NAPEPLD: variants seen among roughly 807,000 people sequenced by gnomAD.
NAPEPLD encodes N-acyl-phosphatidylethanolamine-hydrolyzing phospholipase D.
NAPEPLD carries 23 observed loss-of-function variants against 38.1 expected under a neutral mutation model. That is an observed-to-expected ratio of 0.60 (90% confidence interval 0.43 to 0.86). The LOEUF (loss-of-function observed/expected upper bound fraction) is 0.86. Ranked by LOEUF, NAPEPLD falls within the 40% of genes least tolerant of loss-of-function variation. The probability of loss-of-function intolerance (pLI) is 0.00; values close to 1 mark genes in which losing one functional copy is unlikely to be tolerated. For missense variants in NAPEPLD, 411 were observed against 476.8 expected, an observed-to-expected ratio of 0.86 and a Z score of 1.28; for synonymous variants, 147 against 162.0, an observed-to-expected ratio of 0.91 and a Z score of 0.71.
chr7:103,134,586 G>A (rs569721459), intron 1 of NAPEPLD, among the ~76,000 whole-genome samples: 2 of 152,222 alleles, frequency 1.3e-5, no homozygotes, highest in South Asian at 2.1e-4. Flanking sequence ...GGAGGCAGAG[G>A]TTGCAGTGAG....
chr7:103,149,588 T>A, upstream of NAPEPLD: 1 of 893,998 alleles, frequency 1.1e-6, no homozygotes. Flanking sequence ...CTTACCAAGA[T>A]GGCCGCCCCT....
chr7:103,148,675 AT>A (rs1813110719), intron 1 of NAPEPLD, 135 bp downstream of exon 1: 1 of 453,760 alleles, frequency 2.2e-6, no homozygotes, highest in Non-Finnish European at 2.9e-6. Context: ...AAGTACACTT[AT>A]TCCAAAATAA....
In NAPEPLD at chr7:103,149,090, TCAG is replaced by T; in HGVS notation, c.-299_-297del. The T allele has an allele frequency of 1.0e-6, 1 of 985,268 alleles. No individual in the cohort carries two copies. 61.0% of individuals were successfully genotyped at this position (985,268 alleles called of 1,614,324 possible). A position where few individuals can be genotyped will look rare whatever the true frequency, so the allele number is the denominator to read the frequency against. ...CGAAGAATTCCAAACCACCCCAGGCTCAGCAGTGTGGATTGCTCCGCCCAGAGA... is the reference window on the plus strand; with the variant it reads ...CGAAGAATTCCAAACCACCCCAGGCTCAGTGTGGATTGCTCCGCCCAGAGA... On this transcript the variant is annotated 5_prime_UTR_variant, in exon 1 of 5. Transcript: ENST00000465647.
upstream of NAPEPLD, chr7:103,149,541 G>T: frequency 8.2e-7 from 1 of 1,214,568 alleles, no homozygotes; most frequent in Middle Eastern, 2.4e-4. Flanking sequence ...CTGACAGCAG[G>T]GCCAGCGGTG....
chr7:103,110,899 A>G (rs1300078657), intron 4 of NAPEPLD, among the ~76,000 whole-genome samples: 1 of 22,694 alleles, frequency 4.4e-5, no homozygotes, highest in Non-Finnish European at 3.8e-3. Flanking sequence ...TACAAAAATC[A>G]ATGTATCACA....
chr7:103,127,381 TAA>T (rs1450124469), intron 2 of NAPEPLD: 1 of 152,182 alleles, frequency 6.6e-6, no homozygotes, highest in African/African-American at 2.4e-5. Context: ...TGAATGAGAA[TAA>T]AGACATTTCA....
In NAPEPLD at chr7:103,130,796, C is replaced by A. The variant is rs910535160; in HGVS notation, c.-16-2004G>T. 5.3e-5 allele frequency among the ~76,000 whole-genome samples: 8 copies of A among 152,070 alleles called. No homozygotes were observed. The East Asian group carries it at 1.5e-3, about 29-fold the overall frequency. On this transcript the variant is annotated intron_variant, in intron 1 of 4. Transcript: ENST00000465647. ...TTTTTTAGTAGAGATGGGGTTTCAC[C>A]GTGTTACCCAGGCTGACCTGGAACT...
At chr7:103,141,928 G>T in intron 1 of NAPEPLD, 1 of 976,698 alleles carries the variant, frequency 1.0e-6, no homozygotes, top group South Asian at 1.3e-5. Flanking sequence ...TCTGAAGCCT[G>T]AGCATACTCA....
intron 1 of NAPEPLD, among the ~76,000 whole-genome samples, chr7:103,146,344 C>CA (rs200723040): frequency 0.013 from 1,264 of 96,520 alleles, 18 homozygotes; most frequent in Admixed American, 0.033. Context: ...GACTCCGTCT[C>CA]AAAAAAAAAA....
chr7:103,142,174 A>T (rs748014666), intron 1 of NAPEPLD, among the ~76,000 whole-genome samples: 1 of 152,238 alleles, frequency 6.6e-6, no homozygotes, highest in Non-Finnish European at 1.5e-5. Flanking sequence ...CTGGTATGCC[A>T]GAATTTATGC....
Position 103,147,916 on chromosome 7 carries a change from C to T in NAPEPLD, c.-17+895G>A. On this transcript the variant is annotated intron_variant, in intron 1 of 4. Coordinates refer to ENST00000465647, the MANE Select transcript of NAPEPLD (RefSeq NM_001122838.3). ...TCAGTTGACTTGAAACAAATTTAAC[C>T]CCTCAATCTCTCCTTAAATTATTAT... 4 of 903,382 alleles carry T rather than the reference C, an allele frequency of 4.4e-6. No individual in the cohort carries two copies. The South Asian group carries it at 1.5e-4, about 34-fold the overall frequency. The allele number at this position is 903,382 out of a possible 1,614,324, so 56.0% of individuals were successfully genotyped here.
At chr7:103,142,400 G>GT in intron 1 of NAPEPLD, among the ~76,000 whole-genome samples, 1 of 152,162 alleles carries the variant, frequency 6.6e-6, no homozygotes, top group East Asian at 1.9e-4. Context: ...GAGGTCAGGA[G>GT]TTCGAGACCA....
intron 1 of NAPEPLD, 84 bp from the exon 2 acceptor site, chr7:103,128,876 A>T: frequency 1.5e-6 from 2 of 1,374,224 alleles, no homozygotes; most frequent in South Asian, 1.5e-5. Flanking sequence ...TAGCCAATAA[A>T]AATTTCTCTA....
intron 4 of NAPEPLD, among the ~76,000 whole-genome samples, chr7:103,110,434 G>A (rs771546611): frequency 6.6e-6 from 1 of 152,066 alleles, no homozygotes; most frequent in Admixed American, 6.6e-5. Context: ...TTCAACATAC[G>A]CAACTCAATA....
chr7:103,105,064 G>A (rs769140594), intron 4 of NAPEPLD, among the ~76,000 whole-genome samples: 7 of 152,160 alleles, frequency 4.6e-5, no homozygotes, highest in Admixed American at 2.0e-4. Flanking sequence ...AGATTTAGCA[G>A]TATCTTTCTG....
intron 1 of NAPEPLD, chr7:103,148,031 ATCT>A: frequency 1.0e-6 from 1 of 984,762 alleles, no homozygotes; most frequent in Non-Finnish European, 1.2e-6. Context: ...GATATAGGTA[ATCT>A]TCTTTTTAAA....
chr7:103,129,446 T>A, intron 1 of NAPEPLD: 1 of 363,522 alleles, frequency 2.8e-6, no homozygotes. Flanking sequence ...TTTTCATACA[T>A]GTATTTAGAA....
upstream of NAPEPLD, chr7:103,149,402 C>T (rs570203193): frequency 3.3e-6 from 4 of 1,223,306 alleles, no homozygotes; most frequent in South Asian, 1.4e-5. Flanking sequence ...CGGGTTCTTC[C>T]TAACCCGAGC....
At chr7:103,135,781 C>T (rs1336956463) in intron 1 of NAPEPLD, among the ~76,000 whole-genome samples, 2 of 151,864 alleles carry the variant, frequency 1.3e-5, no homozygotes, top group Non-Finnish European at 2.9e-5. Flanking sequence ...TTTATCTTCA[C>T]TAGAGTGGAA....
Sources: allele counts gnomAD v4.1 joint callset (sites outside exome capture counted in the v4.1 genomes callset), GRCh38; gene constraint gnomAD v4.1.1; transcripts MANE v1.5; gene names NCBI Gene and HGNC (gene_info 2026-07-23, HGNC 2026-07-21).